RYR3: variants seen among roughly 807,000 people sequenced by gnomAD.
RYR3 encodes ryanodine receptor 3.
A neutral mutation model predicts 584.3 loss-of-function variants in RYR3; 207 were observed. The observed-to-expected ratio is 0.35, with a 90% CI of 0.32 to 0.40. The LOEUF is 0.40. RYR3 is among the 10% of genes least tolerant of loss of function. The pLI, the probability that RYR3 is intolerant of heterozygous loss-of-function variation, is 1.00. For missense variants in RYR3, 5,616 were observed against 6,089.2 expected (o/e 0.92, Z 2.59); for synonymous variants, 2,416 against 2,248.5 (o/e 1.07, Z -2.11).
intron 46 of RYR3, among the ~76,000 whole-genome samples, chr15:33,728,532 A>G (rs1596333449): frequency 6.6e-6 from 1 of 152,246 alleles, no homozygotes; most frequent in Non-Finnish European, 1.5e-5. Flanking sequence ...CTTATCCTAA[A>G]TGCTTGGGAC....
At chr15:33,823,130 G>A (rs1255981042) in intron 81 of RYR3, 58 bp downstream of exon 81, 3 of 1,450,952 alleles carry the variant, frequency 2.1e-6, no homozygotes, top group East Asian at 2.3e-5. Flanking sequence ...AGCATAGGAG[G>A]CAGGGGAAGG....
At position 33,773,356 on chromosome 15, in the gene RYR3, T is replaced by C. The variant is rs115459293; in HGVS notation, c.9056-178T>C. ...GGAGGATTTTTCCTATATTTTTTTTTTCCTAGTCCAGCAATTAGCAAACTG... is the reference window on the plus strand; with the variant it reads ...GGAGGATTTTTCCTATATTTTTTTTCTCCTAGTCCAGCAATTAGCAAACTG... On this transcript the variant is annotated intron_variant, in intron 63 of 103. Coordinates refer to ENST00000634891, the MANE Select transcript of RYR3 (RefSeq NM_001036.6). Among the ~76,000 whole-genome samples the C allele has an allele frequency of 4.7e-3, 721 of 152,316 alleles. 9 individuals are homozygous for C. The highest frequency in any genetic ancestry group is 0.017 in the African/African-American group (689 of 41,564).
At chr15:33,569,839 G>GTAT (rs1284428561) in intron 12 of RYR3, among the ~76,000 whole-genome samples, 1 of 142,124 alleles carries the variant, frequency 7.0e-6, no homozygotes, top group East Asian at 2.1e-4. Flanking sequence ...TTTCCAGAAT[G>GTAT]AATAATGATA....
At chr15:33,448,071 A>G (rs926198472) in intron 1 of RYR3, among the ~76,000 whole-genome samples, 1 of 152,206 alleles carries the variant, frequency 6.6e-6, no homozygotes, top group African/African-American at 2.4e-5. Context: ...AATGAGGTTA[A>G]ATTGGAGCAA....
intron 23 of RYR3, among the ~76,000 whole-genome samples, chr15:33,632,668 C>T (rs911625287): frequency 6.6e-6 from 1 of 152,122 alleles, no homozygotes; most frequent in Admixed American, 6.5e-5. Flanking sequence ...TTCTAGAGAA[C>T]AGAAGTAGTT....
chr15:33,419,980 A>G (rs1384282611), intron 1 of RYR3, among the ~76,000 whole-genome samples: 2 of 152,206 alleles, frequency 1.3e-5, no homozygotes, highest in Non-Finnish European at 2.9e-5. Flanking sequence ...CAGCTGAAGT[A>G]CAACACAGCT....
intron 4 of RYR3, among the ~76,000 whole-genome samples, chr15:33,531,262 A>G (rs1595468720): frequency 6.6e-6 from 1 of 152,214 alleles, no homozygotes; most frequent in African/African-American, 2.4e-5. Context: ...CAGAATCGAC[A>G]GAAGGATGAT....
chr15:33,420,859 C>T (rs1017370157), intron 1 of RYR3, among the ~76,000 whole-genome samples: 1 of 152,098 alleles, frequency 6.6e-6, no homozygotes, highest in African/African-American at 2.4e-5. Flanking sequence ...TGAAATCCCA[C>T]CATGTCCATT....
rs141633392 is a variant in RYR3 at position 33,854,591 on chromosome 15, A to C, written c.13860+142A>C. The C allele has an allele frequency of 8.2e-5, 86 of 1,047,392 alleles. No homozygotes were observed. The African/African-American group carries it at 1.1e-3, about 14-fold the overall frequency. The allele number at this position is 1,047,392 out of a possible 1,614,324, so 64.9% of individuals were successfully genotyped here. On this transcript the variant is annotated intron_variant, in intron 97 of 103. Transcript: ENST00000634891. ...CCTTATACGTGCTGGGGGAACACTT[A>C]TACAATGGTATAAGGTAGATGGGGC...
intron 3 of RYR3, among the ~76,000 whole-genome samples, chr15:33,514,660 T>C (rs1337681088): frequency 6.6e-6 from 1 of 152,068 alleles, no homozygotes; most frequent in East Asian, 1.9e-4. Flanking sequence ...TTTCTAAAGT[T>C]ATGACTTGGT....
At chr15:33,357,329 A>G (rs1044640527) in intron 1 of RYR3, among the ~76,000 whole-genome samples, 1 of 152,228 alleles carries the variant, frequency 6.6e-6, no homozygotes, top group Non-Finnish European at 1.5e-5. Context: ...TTGTTTTGGA[A>G]AACTTAATTT....
chr15:33,843,706 C>A, intron 92 of RYR3, 132 bp downstream of exon 92: 1 of 639,716 alleles, frequency 1.6e-6, no homozygotes. Flanking sequence ...ATTTCTAAGA[C>A]ATTGGCTTCT....
At chr15:33,654,756 C>A (rs1435598979) in intron 32 of RYR3, among the ~76,000 whole-genome samples, 1 of 152,180 alleles carries the variant, frequency 6.6e-6, no homozygotes, top group Non-Finnish European at 1.5e-5. Flanking sequence ...GGGCATCCAA[C>A]AGTTTTTCAG....
intron 51 of RYR3, among the ~76,000 whole-genome samples, chr15:33,740,871 C>T (rs2070024542): frequency 1.3e-5 from 2 of 152,186 alleles, no homozygotes; most frequent in South Asian, 4.1e-4. Context: ...ACACACATTC[C>T]GTTGGAAAGA....
chr15:33,533,751 T>C (rs1025731504), intron 5 of RYR3, among the ~76,000 whole-genome samples: 4 of 152,182 alleles, frequency 2.6e-5, no homozygotes, highest in African/African-American at 7.2e-5. Flanking sequence ...TAATGAAATA[T>C]AGTGTCTAGA....
intron 1 of RYR3, among the ~76,000 whole-genome samples, chr15:33,313,961 A>T (rs77258312): frequency 0.019 from 2,853 of 152,348 alleles, 100 homozygotes; most frequent in African/African-American, 0.065. Context: ...GAATTACTGC[A>T]GTAACCACTG....
rs1972988397 is a variant in RYR3, at chr15:33,349,773, T to A, written c.51+38677T>A. ...CCCCACCCCACAACAGTCCCCAGAG[T>A]GTGATGTTCCCCTTCCTGTGTCCAT... On this transcript the variant is annotated intron_variant, in intron 1 of 103. Transcript: ENST00000634891. Among the ~76,000 whole-genome samples, 13 of 121,924 alleles carry A rather than the reference T, an allele frequency of 1.1e-4. No homozygotes were observed. The South Asian group carries it at 3.2e-3, about 30-fold the overall frequency. The allele number at this position is 121,924 out of a possible 152,430, so 80.0% of individuals were successfully genotyped here. A position where few individuals can be genotyped will look rare whatever the true frequency, so the allele number is the denominator to read the frequency against.
At chr15:33,328,229 C>T (rs979629711) in intron 1 of RYR3, among the ~76,000 whole-genome samples, 3 of 152,234 alleles carry the variant, frequency 2.0e-5, no homozygotes, top group Admixed American at 6.5e-5. Flanking sequence ...CTAAACTCTA[C>T]ATCCATCCTA....
intron 8 of RYR3, among the ~76,000 whole-genome samples, chr15:33,547,412 A>T (rs1017141664): frequency 4.6e-5 from 7 of 152,226 alleles, no homozygotes; most frequent in Admixed American, 1.3e-4. Context: ...GCTAGTAATG[A>T]CATACTCGTG....
Sources: allele counts gnomAD v4.1 joint callset (sites outside exome capture counted in the v4.1 genomes callset), GRCh38; gene constraint gnomAD v4.1.1; transcripts MANE v1.5; gene names NCBI Gene and HGNC (gene_info 2026-07-23, HGNC 2026-07-21).